The following PTPRD variants were observed in gnomAD, a reference collection of about 807,000 sequenced individuals.
The protein encoded by PTPRD is protein tyrosine phosphatase receptor type D.
A neutral mutation model predicts 214.5 loss-of-function variants in PTPRD; 34 were observed. That is an observed-to-expected ratio of 0.16 (90% confidence interval 0.12 to 0.21). PTPRD has a LOEUF of 0.21. Among genes scored for constraint, PTPRD ranks in the 10% least tolerant of loss-of-function variants. The pLI, the probability that PTPRD is intolerant of heterozygous loss-of-function variation, is 1.00. For synonymous variants in PTPRD, 1,128 were observed against 845.7 expected (o/e 1.33, Z -5.79); for missense variants, 2,545 against 2,398.7 (o/e 1.06, Z -1.27).
intron 11 of PTPRD, among the ~76,000 whole-genome samples, chr9:8,982,564 A>T (rs894604712): frequency 2.0e-5 from 3 of 151,654 alleles, no homozygotes; most frequent in African/African-American, 7.3e-5. Context: ...AGAGAATGAA[A>T]ATATGACCTA....
In PTPRD at chr9:8,316,880, A is replaced by AATC; in HGVS notation, c.*991_*993dup. The AATC allele has an allele frequency of 4.4e-6, 1 of 227,160 alleles. No individual in the cohort carries two copies. Among genetic ancestry groups the AATC allele is most frequent in the Non-Finnish European group, 8.6e-6 (1 of 116,344 alleles). The allele number at this position is 227,160 out of a possible 1,614,324, so 14.1% of individuals were successfully genotyped here. A position where few individuals can be genotyped will look rare whatever the true frequency, so the allele number is the denominator to read the frequency against. On this transcript the variant is annotated 3_prime_UTR_variant, in exon 46 of 46. Transcript: ENST00000381196. ...AGCTTTTCTACGTTTAAAAAAACTA[A>AATC]ATCATGGAAGAACTGACTGACTGAT...
intron 3 of PTPRD, among the ~76,000 whole-genome samples, chr9:10,311,111 T>C (rs371128884): frequency 2.0e-5 from 3 of 152,014 alleles, no homozygotes; most frequent in Admixed American, 1.3e-4. Flanking sequence ...ATTTTACTTA[T>C]GCTTTACATG....
chr9:10,077,421 T>G (rs1016838494), intron 3 of PTPRD, among the ~76,000 whole-genome samples: 1 of 152,170 alleles, frequency 6.6e-6, no homozygotes, highest in Admixed American at 6.6e-5. Context: ...CAAATTTACC[T>G]CTAGAGATTC....
intron 3 of PTPRD, among the ~76,000 whole-genome samples, chr9:10,263,115 A>C (rs1288107739): frequency 2.0e-5 from 3 of 152,092 alleles, no homozygotes; most frequent in Admixed American, 2.0e-4. Flanking sequence ...GAGTCCATGA[A>C]ACCTATTTTT....
chr9:9,645,711 C>T (rs537675622), intron 7 of PTPRD, among the ~76,000 whole-genome samples: 3 of 151,796 alleles, frequency 2.0e-5, no homozygotes, highest in Admixed American at 1.3e-4. Context: ...CACTTCTTCC[C>T]ACTGTTTCCT....
intron 10 of PTPRD, among the ~76,000 whole-genome samples, chr9:9,163,309 C>A (rs1026790521): frequency 1.3e-5 from 2 of 151,998 alleles, no homozygotes; most frequent in Non-Finnish European, 2.9e-5. Context: ...TGAAGTCTAA[C>A]CCACTCAAAG....
intron 3 of PTPRD, among the ~76,000 whole-genome samples, chr9:10,127,847 A>C (rs1204830150): frequency 6.6e-6 from 1 of 152,140 alleles, no homozygotes; most frequent in African/African-American, 2.4e-5. Context: ...GGAAGTTTTT[A>C]AATTCTGTTA....
intron 12 of PTPRD, among the ~76,000 whole-genome samples, chr9:8,732,172 T>C (rs534671399): frequency 6.6e-6 from 1 of 152,326 alleles, no homozygotes; most frequent in South Asian, 2.1e-4. Flanking sequence ...TTTAAAAGTC[T>C]TCCTTTCTAA....
intron 3 of PTPRD, among the ~76,000 whole-genome samples, chr9:10,043,690 G>C (rs1244521406): frequency 6.6e-6 from 1 of 151,746 alleles, no homozygotes; most frequent in African/African-American, 2.4e-5. Context: ...ATGATATAAA[G>C]AAACAAGAAG....
intron 5 of PTPRD, among the ~76,000 whole-genome samples, chr9:9,857,696 G>C (rs543528113): frequency 6.6e-6 from 1 of 152,292 alleles, no homozygotes; most frequent in South Asian, 2.1e-4. Context: ...TCAGGCAGCA[G>C]ACAGAAGTTG....
chr9:9,443,710 T>C (rs2089245391), intron 8 of PTPRD, among the ~76,000 whole-genome samples: 2 of 152,104 alleles, frequency 1.3e-5, no homozygotes, highest in South Asian at 4.1e-4. Context: ...TCGCTGAAGC[T>C]ATTCTGTATC....
chr9:9,727,175 G>A, intron 7 of PTPRD, among the ~76,000 whole-genome samples: 1 of 152,036 alleles, frequency 6.6e-6, no homozygotes, highest in East Asian at 1.9e-4. Flanking sequence ...ATTATTCTTG[G>A]CCGGGCGTGG....
intron 10 of PTPRD, among the ~76,000 whole-genome samples, chr9:9,137,434 A>G (rs1414642977): frequency 1.3e-5 from 2 of 152,136 alleles, no homozygotes; most frequent in Admixed American, 1.3e-4. Context: ...AACTTTGTCA[A>G]GAAGCTTTAT....
chr9:9,413,644 C>T (rs1411667430), intron 8 of PTPRD, among the ~76,000 whole-genome samples: 3 of 152,144 alleles, frequency 2.0e-5, no homozygotes, highest in Non-Finnish European at 4.4e-5. Context: ...ATTTGTTTAT[C>T]AGCTGAACAT....
In PTPRD at chr9:9,029,497, T is replaced by TAA. The variant is rs76981496; in HGVS notation, c.-142-10764_-142-10763dup. On this transcript the variant is annotated intron_variant, in intron 10 of 45. Transcript: ENST00000381196. Reference sequence around the variant, plus strand: ...TTTTTTTGTGCCTAGCTACTTGCACTAAAAAAAATTATTTTAAATTGTTCC... The same window carrying TAA: ...TTTTTTTGTGCCTAGCTACTTGCACTAAAAAAAAAATTATTTTAAATTGTTCC... Among the ~76,000 whole-genome samples, 525 of 151,290 alleles carry TAA rather than the reference T, an allele frequency of 3.5e-3. 2 individuals are homozygous for TAA. The highest frequency in any genetic ancestry group is 7.5e-3 in the African/African-American group (311 of 41,300).
chr9:10,077,067 C>A (rs1339924671), intron 3 of PTPRD, among the ~76,000 whole-genome samples: 1 of 152,116 alleles, frequency 6.6e-6, no homozygotes, highest in East Asian at 1.9e-4. Context: ...ACTACAGACA[C>A]CAAACAAATT....
chr9:9,938,363 C>G (rs1402832778), intron 5 of PTPRD, 144 bp downstream of exon 5: 2 of 152,110 alleles, frequency 1.3e-5, no homozygotes, highest in African/African-American at 2.4e-5. Context: ...TAAAATTATA[C>G]TATTTTAAAG....
Position 10,367,159 on chromosome 9 carries a change from C to A in PTPRD, c.-599-26142G>T, listed in dbSNP as rs538179216. 3.3e-5 allele frequency among the ~76,000 whole-genome samples: 5 copies of A among 150,966 alleles called. No homozygotes were observed. The South Asian group carries it at 8.4e-4, about 25-fold the overall frequency. ...AGGTTTACAATGTAGAGTAGCTATT[C>A]CTTATTGAAAAATGGAATCACTTAG... On this transcript the variant is annotated intron_variant, in intron 2 of 45. Transcript: ENST00000381196.
rs185018165 is a variant in PTPRD, at chr9:10,067,483, C to A, written c.-544-33693G>T. 3.9e-5 allele frequency among the ~76,000 whole-genome samples: 6 copies of A among 151,938 alleles called. No individual in the cohort carries two copies. The East Asian group carries it at 9.7e-4, about 25-fold the overall frequency. ...GTTTACTCATGTGGAAACTTAGACACAGAAGGATAAAAAGCAGTGAGATAT... is the reference window on the plus strand; with the variant it reads ...GTTTACTCATGTGGAAACTTAGACAAAGAAGGATAAAAAGCAGTGAGATAT... On this transcript the variant is annotated intron_variant, in intron 3 of 45. Transcript: ENST00000381196.
Sources: allele counts gnomAD v4.1 joint callset (sites outside exome capture counted in the v4.1 genomes callset), GRCh38; gene constraint gnomAD v4.1.1; transcripts MANE v1.5; gene names NCBI Gene and HGNC (gene_info 2026-07-23, HGNC 2026-07-21).